The following OCA2 variants were observed in gnomAD, a reference collection of about 807,000 sequenced individuals.
OCA2 encodes P protein.
OCA2 carries 77 observed loss-of-function variants against 100.2 expected under a neutral mutation model. The ratio of observed to expected loss-of-function variants is 0.77; its 90% CI spans 0.64 to 0.93. The LOEUF is 0.93. Among genes scored for constraint, OCA2 ranks in the 40% least tolerant of loss-of-function variants. OCA2 has a pLI of 0.00. For synonymous variants in OCA2, 432 were observed against 439.2 expected, an observed-to-expected ratio of 0.98 and a Z score of 0.21; for missense variants, 1,062 against 1,089.1, an observed-to-expected ratio of 0.98 and a Z score of 0.35.
At chr15:27,832,844 T>TTTTTC (rs1311563569) in intron 23 of OCA2, among the ~76,000 whole-genome samples, 3 of 151,588 alleles carry the variant, frequency 2.0e-5, no homozygotes, top group Non-Finnish European at 2.9e-5. Context: ...TTTTTTTTTT[T>TTTTTC]TTTGGTCGCC....
intron 3 of OCA2, 45 bp from the exon 4 acceptor site, chr15:28,028,104 G>A: frequency 3.1e-6 from 5 of 1,604,200 alleles, no homozygotes; most frequent in Non-Finnish European, 4.3e-6. Context: ...AAATAGTAAT[G>A]GCTACAAAGC....
At position 28,018,457 on chromosome 15, in the gene OCA2, G is replaced by GTGC. The variant is rs2141260656; in HGVS notation, c.744_746dup (p.Glu248_His249insGln). On this transcript the variant is annotated inframe_insertion, in exon 7 of 24. Coordinates refer to ENST00000354638, the MANE Select transcript of OCA2 (RefSeq NM_000275.3). ...CAGCCTGGGTCAGCTCCACCACGAT[G>GTGC]TGCTCTTCCCTCCCAGGACGACTCG... The GTGC allele has an allele frequency of 6.8e-6, 11 of 1,614,072 alleles. 1 individual carries two copies. Among genetic ancestry groups the GTGC allele is most frequent in the Non-Finnish European group, 9.3e-6 (11 of 1,180,018 alleles).
At chr15:27,845,219 G>A (rs2035488014) in intron 22 of OCA2, among the ~76,000 whole-genome samples, 167 bp from the exon 23 acceptor site, 1 of 152,074 alleles carries the variant, frequency 6.6e-6, no homozygotes, top group South Asian at 2.1e-4. Context: ...ACGCAAGCAA[G>A]CAAAAAATAA....
At chr15:27,892,504 G>C (rs2037503999) in intron 19 of OCA2, among the ~76,000 whole-genome samples, 1 of 151,052 alleles carries the variant, frequency 6.6e-6, no homozygotes, top group African/African-American at 2.4e-5. Context: ...AAAATATATA[G>C]AACTGAATTT....
rs745593965 is a variant in OCA2 at position 27,851,470 on chromosome 15, G to A, written c.2250C>T (p.Pro750=). The A allele has an allele frequency of 3.3e-5, 54 of 1,612,640 alleles. No individual in the cohort carries two copies. The highest frequency in any genetic ancestry group is 1.6e-4 in the Middle Eastern group (1 of 6,082). ...DNIPFTATMI[P]VLLNLSHDPE... ...GGTCGTGGCTCAGGTTCAGGAGCACGGGAATCTGTGGAGGAAGAGGACATT... is the reference window on the plus strand; with the variant it reads ...GGTCGTGGCTCAGGTTCAGGAGCACAGGAATCTGTGGAGGAAGAGGACATT... Residue 750 remains proline, a synonymous_variant, in exon 22 of 24, where the codon CCC becomes CCT. Coordinates refer to ENST00000354638, the MANE Select transcript of OCA2 (RefSeq NM_000275.3).
At chr15:27,727,565 C>T in the OCA2 span, among the ~76,000 whole-genome samples, 2 of 152,178 alleles carry the variant, frequency 1.3e-5, no homozygotes, top group Non-Finnish European at 2.9e-5. Flanking sequence ...GTAACATCGG[C>T]TCAGCTCATT....
chr15:27,994,342 C>G (rs1236761200), intron 9 of OCA2, among the ~76,000 whole-genome samples: 1 of 152,168 alleles, frequency 6.6e-6, no homozygotes, highest in African/African-American at 2.4e-5. Flanking sequence ...ACCCCACGGT[C>G]CATGGAAAAA....
the OCA2 span, among the ~76,000 whole-genome samples, chr15:27,744,412 A>T: frequency 6.6e-6 from 1 of 152,148 alleles, no homozygotes; most frequent in African/African-American, 2.4e-5. Flanking sequence ...TGGGCACGAG[A>T]TGGAGGGAAA....
intron 19 of OCA2, among the ~76,000 whole-genome samples, chr15:27,899,990 ACACAAC>A (rs1356449335): frequency 2.6e-5 from 4 of 152,110 alleles, no homozygotes; most frequent in Non-Finnish European, 5.9e-5. Context: ...ATCCAAGGAA[ACACAAC>A]TAATAAAGGT....
At chr15:28,045,601 C>T (rs2043324504) in intron 2 of OCA2, among the ~76,000 whole-genome samples, 3 of 152,208 alleles carry the variant, frequency 2.0e-5, no homozygotes, top group Admixed American at 2.0e-4. Context: ...ACACCCTCTA[C>T]CTGGCTGGAC....
chr15:28,096,082 G>C (rs1265419154), intron 1 of OCA2, among the ~76,000 whole-genome samples: 5 of 151,132 alleles, frequency 3.3e-5, no homozygotes, highest in Non-Finnish European at 5.9e-5. Context: ...GCCTGGCTGC[G>C]TCTGCAAAGG....
Position 27,799,856 on chromosome 15 carries a change from G to C in OCA2, c.2433-44384C>G, listed in dbSNP as rs748383627. On this transcript the variant is annotated intron_variant, in intron 23 of 23. Coordinates refer to ENST00000354638, the MANE Select transcript of OCA2 (RefSeq NM_000275.3). ...GTTCCAGAGAGGGGTAACAGCCAAC[G>C]AAGACCCCACACCAGTAGTGGGCTC... Among the ~76,000 whole-genome samples the C allele has an allele frequency of 5.9e-5, 9 of 152,196 alleles. No individual in the cohort carries two copies. The South Asian group carries it at 6.2e-4, about 11-fold the overall frequency.
At chr15:27,867,975 T>C (rs1214939475) in intron 21 of OCA2, among the ~76,000 whole-genome samples, 2 of 152,208 alleles carry the variant, frequency 1.3e-5, no homozygotes, top group African/African-American at 4.8e-5. Flanking sequence ...GCTGCCTTCA[T>C]GAATTCAAGT....
At chr15:27,943,171 C>G (rs1237947212) in intron 18 of OCA2, among the ~76,000 whole-genome samples, 4 of 152,102 alleles carry the variant, frequency 2.6e-5, no homozygotes, top group African/African-American at 9.7e-5. Context: ...CCCCTCTCAG[C>G]CAAGGACATT....
intron 23 of OCA2, among the ~76,000 whole-genome samples, chr15:27,788,967 A>G (rs2032950952): frequency 6.6e-6 from 1 of 152,068 alleles, no homozygotes; most frequent in African/African-American, 2.4e-5. Context: ...ATTTCATTAA[A>G]ACCTAGAGAT....
intron 19 of OCA2, among the ~76,000 whole-genome samples, chr15:27,894,042 C>T (rs1015616629): frequency 6.6e-6 from 1 of 152,190 alleles, no homozygotes; most frequent in Non-Finnish European, 1.5e-5. Flanking sequence ...GAGACTCAGG[C>T]AGGCATCACA....
chr15:28,096,371 C>T (rs951942796), intron 1 of OCA2, among the ~76,000 whole-genome samples: 1 of 152,144 alleles, frequency 6.6e-6, no homozygotes, highest in Admixed American at 6.5e-5. Context: ...GACTGTGAGC[C>T]GGAGGCGTAG....
the OCA2 span, among the ~76,000 whole-genome samples, chr15:27,739,295 T>C: frequency 6.6e-6 from 1 of 152,274 alleles, no homozygotes; most frequent in African/African-American, 2.4e-5. Flanking sequence ...GGAAGGATCC[T>C]GCGGTGCGTG....
Position 27,875,516 on chromosome 15 carries a change from G to A in OCA2, c.2080-3594C>T, listed in dbSNP as rs2036754331. Among the ~76,000 whole-genome samples, 5 of 152,076 alleles carry A rather than the reference G, an allele frequency of 3.3e-5. No homozygotes were observed. The South Asian group carries it at 8.3e-4, about 25-fold the overall frequency. On this transcript the variant is annotated intron_variant, in intron 19 of 23. Coordinates refer to ENST00000354638, the MANE Select transcript of OCA2 (RefSeq NM_000275.3). The stretch of plus-strand genomic sequence containing the variant: ...AGTCCTTTGAATGTCTACATAAATT[G>A]TGTAATTAGCTTGTCATTCTCTGCA...
Sources: allele counts gnomAD v4.1 joint callset (sites outside exome capture counted in the v4.1 genomes callset), GRCh38; gene constraint gnomAD v4.1.1; transcripts MANE v1.5; gene names NCBI Gene and HGNC (gene_info 2026-07-23, HGNC 2026-07-21).